RBMS3: variants seen among roughly 807,000 people sequenced by gnomAD.
RBMS3 encodes RNA binding motif single stranded interacting protein 3.
RBMS3 carries 27 observed loss-of-function variants against 66.8 expected under a neutral mutation model. The ratio of observed to expected loss-of-function variants is 0.40; its 90% CI spans 0.30 to 0.56. RBMS3 has a LOEUF of 0.56. Ranked by LOEUF, RBMS3 falls within the 20% of genes least tolerant of loss-of-function variation. RBMS3 has a pLI of 0.40. For missense variants in RBMS3, 513 were observed against 549.5 expected (o/e 0.93, Z 0.66); for synonymous variants, 188 against 183.0 (o/e 1.03, Z -0.22).
At chr3:29,534,051 T>C (rs1430295508) in intron 3 of RBMS3, among the ~76,000 whole-genome samples, 6 of 152,230 alleles carry the variant, frequency 3.9e-5, no homozygotes, top group Non-Finnish European at 8.8e-5. Flanking sequence ...TTAAGAAAGG[T>C]GACCAGGCTG....
intron 1 of RBMS3, among the ~76,000 whole-genome samples, chr3:29,346,149 C>G (rs926984214): frequency 6.6e-6 from 1 of 152,104 alleles, no homozygotes; most frequent in African/African-American, 2.4e-5. Context: ...TGACATAAGA[C>G]AGTTCTCAAT....
intron 2 of RBMS3, among the ~76,000 whole-genome samples, chr3:29,454,150 A>G (rs1291083274): frequency 6.6e-6 from 1 of 152,216 alleles, no homozygotes; most frequent in Non-Finnish European, 1.5e-5. Flanking sequence ...GGGAGAAAGT[A>G]TAGCTTTCCA....
At chr3:29,281,942 C>T (rs1194935178) in intron 1 of RBMS3, among the ~76,000 whole-genome samples, 186 bp downstream of exon 1, 2 of 152,082 alleles carry the variant, frequency 1.3e-5, no homozygotes, top group Admixed American at 1.3e-4. Flanking sequence ...GCAGCAAACC[C>T]GGAATTGTAG....
chr3:30,003,801 G>T, intron 14 of RBMS3, 55 bp from the exon 15 acceptor site: 7 of 1,281,788 alleles, frequency 5.5e-6, no homozygotes, highest in Non-Finnish European at 7.2e-6. Flanking sequence ...GGCACAGAAG[G>T]TGATTTCAAA....
At chr3:29,625,391 T>C (rs763262064) in intron 4 of RBMS3, among the ~76,000 whole-genome samples, 3 of 152,078 alleles carry the variant, frequency 2.0e-5, no homozygotes, top group Non-Finnish European at 4.4e-5. Flanking sequence ...AGAAGACAAT[T>C]TGATGCAAGA....
chr3:29,750,212 A>C (rs1209575685), intron 5 of RBMS3, among the ~76,000 whole-genome samples: 1 of 152,184 alleles, frequency 6.6e-6, no homozygotes, highest in Non-Finnish European at 1.5e-5. Flanking sequence ...TACTTCGTCC[A>C]AAAGTAAGAT....
At position 29,344,483 on chromosome 3, in the gene RBMS3, T is replaced by C. The variant is rs6549928; in HGVS notation, c.75+62727T>C. Among the ~76,000 whole-genome samples, 720 of 152,336 alleles carry C rather than the reference T, an allele frequency of 4.7e-3. 7 individuals are homozygous for C. The highest frequency in any genetic ancestry group is 0.016 in the African/African-American group (656 of 41,590). The stretch of plus-strand genomic sequence containing the variant: ...AGTTCAGCAGTTTTGAATCTTCTTT[T>C]GGGAACTGCTGGTAGAGAGCAAGTT... On this transcript the variant is annotated intron_variant, in intron 1 of 14. Transcript: ENST00000383767.
chr3:29,760,137 G>A (rs2055607800), intron 5 of RBMS3, among the ~76,000 whole-genome samples: 1 of 152,000 alleles, frequency 6.6e-6, no homozygotes. Flanking sequence ...ATGCAGAAGG[G>A]AGGACTTGAG....
At chr3:29,638,832 G>C (rs1481097743) in intron 4 of RBMS3, among the ~76,000 whole-genome samples, 1 of 151,830 alleles carries the variant, frequency 6.6e-6, no homozygotes, top group Non-Finnish European at 1.5e-5. Flanking sequence ...AGGCATTACT[G>C]TATTAGGTAT....
intron 1 of RBMS3, among the ~76,000 whole-genome samples, chr3:29,407,569 T>C (rs1309421229): frequency 6.6e-6 from 1 of 152,214 alleles, no homozygotes; most frequent in African/African-American, 2.4e-5. Context: ...TTAAATTATG[T>C]AGAGTCAAAT....
chr3:29,851,708 C>T (rs2058939470), intron 6 of RBMS3, among the ~76,000 whole-genome samples: 1 of 152,096 alleles, frequency 6.6e-6, no homozygotes, highest in Non-Finnish European at 1.5e-5. Context: ...CCAAGCAGGG[C>T]CACATTCTGG....
chr3:29,537,226 C>T (rs2045590369), intron 3 of RBMS3, among the ~76,000 whole-genome samples: 1 of 152,060 alleles, frequency 6.6e-6, no homozygotes, highest in Admixed American at 6.6e-5. Context: ...GGACTATTGG[C>T]ACATTTTCAT....
chr3:29,877,342 C>T lies in RBMS3; in HGVS notation c.745-6820C>T, dbSNP rs139524595. 6.6e-3 allele frequency among the ~76,000 whole-genome samples: 1,006 copies of T among 152,008 alleles called. 5 individuals are homozygous for T. The highest frequency in any genetic ancestry group is 0.022 in the African/African-American group (926 of 41,460). On this transcript the variant is annotated intron_variant, in intron 7 of 14. Coordinates refer to ENST00000383767, the MANE Select transcript of RBMS3 (RefSeq NM_001003793.3). The stretch of plus-strand genomic sequence containing the variant: ...AAGAAGAAATTGCTTTCTGAGAGGT[C>T]AGAACAAAAATAAGGGGAGAGGATC...
chr3:29,890,712 G>A (rs1041210643), intron 8 of RBMS3, among the ~76,000 whole-genome samples: 1 of 151,302 alleles, frequency 6.6e-6, no homozygotes, highest in Non-Finnish European at 1.5e-5. Context: ...AAACCACAAA[G>A]TACTATAAGA....
intron 4 of RBMS3, among the ~76,000 whole-genome samples, chr3:29,723,000 A>C (rs2053708819): frequency 6.6e-6 from 1 of 151,116 alleles, no homozygotes; most frequent in Non-Finnish European, 1.5e-5. Flanking sequence ...TTTGAGATGG[A>C]GTTTCACTCT....
chr3:29,786,316 T>G (rs1415779359), intron 6 of RBMS3, among the ~76,000 whole-genome samples: 1 of 152,010 alleles, frequency 6.6e-6, no homozygotes, highest in East Asian at 1.9e-4. Flanking sequence ...ACCATTATTC[T>G]TCACAGAACC....
At chr3:29,451,889 A>G (rs2125761688) in intron 2 of RBMS3, among the ~76,000 whole-genome samples, 1 of 152,340 alleles carries the variant, frequency 6.6e-6, no homozygotes, top group Admixed American at 6.5e-5. Context: ...GTGTGAACAA[A>G]TCATGGTGTA....
intron 1 of RBMS3, among the ~76,000 whole-genome samples, chr3:29,352,745 C>T (rs897223176): frequency 2.0e-5 from 3 of 151,978 alleles, no homozygotes; most frequent in African/African-American, 7.2e-5. Context: ...CTCTTGCACC[C>T]ATAAACACTT....
intron 6 of RBMS3, 68 bp from the exon 7 acceptor site, chr3:29,868,790 T>C: frequency 7.7e-7 from 1 of 1,299,182 alleles, no homozygotes; most frequent in Non-Finnish European, 1.1e-6. Flanking sequence ...AGCACTACTG[T>C]GACTCACATA....
Sources: allele counts gnomAD v4.1 joint callset (sites outside exome capture counted in the v4.1 genomes callset), GRCh38; gene constraint gnomAD v4.1.1; transcripts MANE v1.5; gene names NCBI Gene and HGNC (gene_info 2026-07-23, HGNC 2026-07-21).